Variants in CTNNBL1 observed in about 807,000 individuals in gnomAD.
CTNNBL1 encodes the protein beta-catenin-like protein 1.
A neutral mutation model predicts 72.7 loss-of-function variants in CTNNBL1; 31 were observed. The ratio of observed to expected loss-of-function variants is 0.43; its 90% CI spans 0.32 to 0.58. CTNNBL1 has a LOEUF of 0.58. CTNNBL1 is among the 20% of genes least tolerant of loss of function. CTNNBL1 has a pLI of 0.08. For missense variants in CTNNBL1, 534 were observed against 725.1 expected (o/e 0.74, Z 3.03); for synonymous variants, 240 against 267.3 (o/e 0.90, Z 1.00).
chr20:37,737,334 A>C, intron 2 of CTNNBL1, 44 bp from the exon 3 acceptor site: 12 of 1,354,074 alleles, frequency 8.9e-6, no homozygotes, highest in South Asian at 1.2e-5. Context: ...ATGAATGTGA[A>C]ACCCCTGTGG....
intron 3 of CTNNBL1, among the ~76,000 whole-genome samples, chr20:37,743,372 T>C (rs2073234897): frequency 6.6e-6 from 1 of 152,036 alleles, no homozygotes; most frequent in Non-Finnish European, 1.5e-5. Flanking sequence ...TACTGAGTCA[T>C]GATTCTGATT....
chr20:37,742,366 G>A (rs372746453), intron 3 of CTNNBL1, among the ~76,000 whole-genome samples: 4 of 152,172 alleles, frequency 2.6e-5, no homozygotes, highest in Non-Finnish European at 1.5e-5. Context: ...CAAGGCCTGC[G>A]TCAGGTGCTG....
intron 11 of CTNNBL1, among the ~76,000 whole-genome samples, chr20:37,825,358 A>C (rs1246022778): frequency 9.4e-6 from 1 of 106,466 alleles, no homozygotes; most frequent in Non-Finnish European, 1.9e-5. Context: ...GTCTCAAAAA[A>C]TAAAAATAAG....
intron 7 of CTNNBL1, among the ~76,000 whole-genome samples, chr20:37,773,822 G>A (rs147579241): frequency 1.3e-3 from 191 of 150,270 alleles, no homozygotes; most frequent in African/African-American, 4.5e-3. Context: ...TGAGTTTCAT[G>A]TATTGACTGC....
At chr20:37,743,095 C>T (rs989585147) in intron 3 of CTNNBL1, among the ~76,000 whole-genome samples, 5 of 152,044 alleles carry the variant, frequency 3.3e-5, no homozygotes, top group Admixed American at 2.0e-4. Context: ...TGAGCCACCA[C>T]GTTCGCTGTC....
chr20:37,713,372 T>G (rs2122562423), intron 1 of CTNNBL1, among the ~76,000 whole-genome samples: 1 of 152,314 alleles, frequency 6.6e-6, no homozygotes, highest in South Asian at 2.1e-4. Context: ...AAAACCACCA[T>G]TAGAGCAGAA....
chr20:37,870,154 G>A (rs2093698316), intron 15 of CTNNBL1, among the ~76,000 whole-genome samples: 1 of 152,038 alleles, frequency 6.6e-6, no homozygotes, highest in Admixed American at 6.6e-5. Flanking sequence ...CTCTCTGATG[G>A]CATCCTCTGC....
intron 11 of CTNNBL1, among the ~76,000 whole-genome samples, chr20:37,810,024 G>GT (rs879512526): frequency 6.8e-4 from 102 of 149,052 alleles, no homozygotes; most frequent in African/African-American, 1.1e-3. Flanking sequence ...TCAATACATG[G>GT]TTTTTTTTTT....
intron 11 of CTNNBL1, among the ~76,000 whole-genome samples, chr20:37,810,468 CAACACCAT>C (rs1311861210): frequency 6.6e-6 from 1 of 152,154 alleles, no homozygotes; most frequent in Non-Finnish European, 1.5e-5. Context: ...CACCACCTCT[CAACACCAT>C]AACATTGTCA....
In CTNNBL1 at chr20:37,727,884, T is replaced by A. The variant is rs1036666880; in HGVS notation, c.31-4995T>A. On this transcript the variant is annotated intron_variant, in intron 1 of 15. Coordinates refer to ENST00000361383, the MANE Select transcript of CTNNBL1 (RefSeq NM_030877.5). ...GAGCTTCTTCCCTGCTTACAATTCT[T>A]GTTTTGTTTTGTATAAGCAGTCACT... Among the ~76,000 whole-genome samples the A allele has an allele frequency of 5.3e-5, 8 of 151,490 alleles. No individual in the cohort carries two copies. The East Asian group carries it at 1.6e-3, about 30-fold the overall frequency.
At position 37,777,420 on chromosome 20, in the gene CTNNBL1, G is replaced by A; in HGVS notation, c.823+3G>A. 1 of 1,613,436 alleles carries A rather than the reference G, an allele frequency of 6.2e-7. No homozygotes were observed. The highest frequency in any genetic ancestry group is 8.5e-7 in the Non-Finnish European group (1 of 1,179,376). On this transcript the variant is annotated splice_donor_region_variant and intron_variant, in intron 8 of 15. Coordinates refer to ENST00000361383, the MANE Select transcript of CTNNBL1 (RefSeq NM_030877.5). ...CATATTGCTCCAGGACAATGATGGT[G>A]AGGCGCCCTCTCAGTATTGATATTC... is the stretch of plus-strand genomic sequence containing the variant.
intron 15 of CTNNBL1, among the ~76,000 whole-genome samples, chr20:37,864,767 C>A (rs1409670464): frequency 6.6e-6 from 1 of 152,200 alleles, no homozygotes; most frequent in African/African-American, 2.4e-5. Flanking sequence ...GGCACCCTGA[C>A]TGGCAGAGAG....
rs557366212 is a variant in CTNNBL1 at position 37,744,046 on chromosome 20, A to T, written c.327-2422A>T. Among the ~76,000 whole-genome samples, 10 of 151,926 alleles carry T rather than the reference A, an allele frequency of 6.6e-5. No homozygotes were observed. In the East Asian group the frequency reaches 1.2e-3, roughly 18 times the overall value. On this transcript the variant is annotated intron_variant, in intron 3 of 15. Transcript: ENST00000361383. The stretch of plus-strand genomic sequence containing the variant: ...AAAGGGCAAACACTTTTCTCTGATT[A>T]TTTTTTTTGCAGTGTAGGATAGAGA...
chr20:37,741,855 GTTTGT>G (rs1288893251), intron 3 of CTNNBL1, among the ~76,000 whole-genome samples: 1 of 152,066 alleles, frequency 6.6e-6, no homozygotes, highest in African/African-American at 2.4e-5. Flanking sequence ...TTCTCTGCTT[GTTTGT>G]TTTATTTTGA....
intron 1 of CTNNBL1, among the ~76,000 whole-genome samples, chr20:37,702,874 A>G (rs907169737): frequency 6.6e-6 from 1 of 152,236 alleles, no homozygotes; most frequent in Non-Finnish European, 1.5e-5. Context: ...TAATGATTGA[A>G]TGAACTGGGA....
intron 13 of CTNNBL1, among the ~76,000 whole-genome samples, chr20:37,846,111 G>A (rs1344439101): frequency 2.0e-5 from 3 of 151,802 alleles, no homozygotes; most frequent in Non-Finnish European, 1.5e-5. Flanking sequence ...AATGGGCCTA[G>A]GGGTGGTGCC....
At chr20:37,752,826 G>A (rs1484865685) in intron 4 of CTNNBL1, among the ~76,000 whole-genome samples, 1 of 151,998 alleles carries the variant, frequency 6.6e-6, no homozygotes, top group Non-Finnish European at 1.5e-5. Flanking sequence ...GTGCGTGGGT[G>A]GCCTTTCTAC....
intron 1 of CTNNBL1, among the ~76,000 whole-genome samples, chr20:37,704,270 G>A (rs1837784433): frequency 6.6e-6 from 1 of 152,202 alleles, no homozygotes; most frequent in African/African-American, 2.4e-5. Context: ...CTGTTATGGT[G>A]CCATGAACAA....
chr20:37,726,730 T>G (rs2073088247), intron 1 of CTNNBL1, among the ~76,000 whole-genome samples: 1 of 152,238 alleles, frequency 6.6e-6, no homozygotes, highest in African/African-American at 2.4e-5. Flanking sequence ...ATTGGACATC[T>G]TTTTTCATAA....
Sources: allele counts gnomAD v4.1 joint callset (sites outside exome capture counted in the v4.1 genomes callset), GRCh38; gene constraint gnomAD v4.1.1; transcripts MANE v1.5; gene names NCBI Gene and HGNC (gene_info 2026-07-23, HGNC 2026-07-21).